Variants in OR1J2 observed in about 807,000 individuals in gnomAD.
The protein encoded by OR1J2 is olfactory receptor family 1 subfamily J member 2, also known as olfactory receptor 1J2.
For synonymous variants in OR1J2, 142 were observed against 99.7 expected (o/e 1.42, Z -2.52); for missense variants, 304 against 246.1 (o/e 1.24, Z -1.57).
the OR1J2 span, chr9:122,477,409 A>T: frequency 6.2e-7 from 1 of 1,614,086 alleles, no homozygotes; most frequent in Non-Finnish European, 8.5e-7. Context: ...GTGAGGGATG[A>T]TGTGGTCAGC....
chr9:122,460,076 A>G, the OR1J2 span, among the ~76,000 whole-genome samples: 1 of 152,150 alleles, frequency 6.6e-6, no homozygotes, highest in Non-Finnish European at 1.5e-5. Flanking sequence ...TACTTCAGTT[A>G]GAATAATGAT....
At chr9:122,526,429 T>A in the OR1J2 span, 1 of 1,522,702 alleles carries the variant, frequency 6.6e-7, no homozygotes, top group Non-Finnish European at 8.8e-7. Flanking sequence ...TTCCTTAGGC[T>A]ATAGATAAAG....
the OR1J2 span, among the ~76,000 whole-genome samples, chr9:122,493,118 G>A: frequency 6.6e-6 from 1 of 152,056 alleles, no homozygotes; most frequent in Non-Finnish European, 1.5e-5. Flanking sequence ...GTATTTTGTT[G>A]AGGATTTTTG....
downstream of OR1J2, among the ~76,000 whole-genome samples, chr9:122,516,344 C>G (rs1828699681): frequency 7.2e-6 from 1 of 138,640 alleles, no homozygotes; most frequent in African/African-American, 2.8e-5. Flanking sequence ...CGCTCTGTCG[C>G]CCAGGCTGGA....
chr9:122,477,733 T>A, the OR1J2 span: 1 of 1,614,058 alleles, frequency 6.2e-7, no homozygotes, highest in South Asian at 1.1e-5. Context: ...GAGGGCCAAG[T>A]GGCTAAGGAA....
chr9:122,507,098 T>A (rs1328746828), upstream of OR1J2, among the ~76,000 whole-genome samples: 2 of 152,198 alleles, frequency 1.3e-5, no homozygotes, highest in African/African-American at 4.8e-5. Context: ...TATGGTGCCT[T>A]ATCTGTGGTA....
the OR1J2 span, among the ~76,000 whole-genome samples, chr9:122,502,892 A>G: frequency 1.3e-5 from 2 of 152,146 alleles, no homozygotes. Context: ...CACTCCTTCC[A>G]CTTTTCAGTT....
chr9:122,550,066 A>AT, the OR1J2 span, among the ~76,000 whole-genome samples: 45,670 of 151,706 alleles, frequency 0.3, 7,409 homozygotes, highest in East Asian at 0.54. Context: ...TCTTGTAGAC[A>AT]TTTTTTACCT....
At chr9:122,516,502 A>G (rs1222223046), downstream of OR1J2, among the ~76,000 whole-genome samples, 1 of 151,522 alleles carries the variant, frequency 6.6e-6, no homozygotes, top group Non-Finnish European at 1.5e-5. Flanking sequence ...ACGGGGTTTC[A>G]CCGTTTTAGC....
At chr9:122,527,100 G>A in the OR1J2 span, 1 of 1,614,210 alleles carries the variant, frequency 6.2e-7, no homozygotes, top group South Asian at 1.1e-5. Flanking sequence ...GTCAACAAAA[G>A]ACAGGTTGGC....
At chr9:122,534,174 G>C in the OR1J2 span, among the ~76,000 whole-genome samples, 1 of 152,206 alleles carries the variant, frequency 6.6e-6, no homozygotes, top group African/African-American at 2.4e-5. Context: ...TTGTGTGCTG[G>C]AGATGTGGCT....
the OR1J2 span, among the ~76,000 whole-genome samples, chr9:122,577,698 C>T: frequency 6.6e-6 from 1 of 152,130 alleles, no homozygotes; most frequent in Non-Finnish European, 1.5e-5. Flanking sequence ...TAAAGTATCA[C>T]AATAACTCTG....
At chr9:122,474,129 C>T in the OR1J2 span, among the ~76,000 whole-genome samples, 1 of 152,184 alleles carries the variant, frequency 6.6e-6, no homozygotes, top group Admixed American at 6.5e-5. Flanking sequence ...GGCTCAAAAG[C>T]ATCATGCAAA....
At chr9:122,463,075 C>G in the OR1J2 span, among the ~76,000 whole-genome samples, 11 of 151,178 alleles carry the variant, frequency 7.3e-5, no homozygotes, top group Non-Finnish European at 1.6e-4. Flanking sequence ...TTAGCTTTGG[C>G]TATTTAACAT....
chr9:122,554,338 A>T, the OR1J2 span: 1 of 574,084 alleles, frequency 1.7e-6, no homozygotes, highest in East Asian at 3.0e-5. Context: ...GTGGAATGAG[A>T]TGTTCTGTCT....
chr9:122,547,246 G>A, the OR1J2 span, among the ~76,000 whole-genome samples: 4 of 151,946 alleles, frequency 2.6e-5, no homozygotes, highest in Admixed American at 6.6e-5. Flanking sequence ...ACACCCCAGC[G>A]AAAAGGGCAA....
chr9:122,482,653 A>G, the OR1J2 span, among the ~76,000 whole-genome samples: 2 of 152,214 alleles, frequency 1.3e-5, no homozygotes, highest in Non-Finnish European at 2.9e-5. Context: ...AAATGTATAT[A>G]TACACAATGG....
the OR1J2 span, among the ~76,000 whole-genome samples, chr9:122,456,523 A>C: frequency 6.6e-6 from 1 of 152,118 alleles, no homozygotes; most frequent in African/African-American, 2.4e-5. Flanking sequence ...TAGGAGAATC[A>C]TGGTTAAATC....
the OR1J2 span, chr9:122,519,200 GC>G: frequency 3.7e-6 from 6 of 1,613,960 alleles, no homozygotes; most frequent in Non-Finnish European, 5.1e-6. Context: ...TCCCCATCTG[GC>G]CAGAGCAGCA....
Sources: allele counts gnomAD v4.1 joint callset (sites outside exome capture counted in the v4.1 genomes callset), GRCh38; gene constraint gnomAD v4.1.1; transcripts MANE v1.5; gene names NCBI Gene and HGNC (gene_info 2026-07-23, HGNC 2026-07-21).